Variants in SLC14A2 observed in about 807,000 individuals in gnomAD.
The protein encoded by SLC14A2 is urea transporter 2.
In SLC14A2, 91 loss-of-function variants were observed where a neutral mutation model predicts 104.6. The observed-to-expected ratio is 0.87, with a 90% CI of 0.73 to 1.04. SLC14A2 has a LOEUF of 1.04. SLC14A2 is among the 50% of genes least tolerant of loss of function. The probability of loss-of-function intolerance (pLI) is 0.00; values close to 1 mark genes in which losing one functional copy is unlikely to be tolerated. For synonymous variants in SLC14A2, 476 were observed against 466.4 expected, an observed-to-expected ratio of 1.02 and a Z score of -0.27; for missense variants, 1,189 against 1,156.0, an observed-to-expected ratio of 1.03 and a Z score of -0.41.
At chr18:45,478,490 G>A (rs976847963) in intron 1 of SLC14A2, among the ~76,000 whole-genome samples, 2 of 152,182 alleles carry the variant, frequency 1.3e-5, no homozygotes, top group African/African-American at 2.4e-5. Flanking sequence ...TAGCTTGATG[G>A]TAACACAATT....
intron 1 of SLC14A2, among the ~76,000 whole-genome samples, chr18:45,465,732 G>A (rs2087129045): frequency 6.6e-6 from 1 of 152,170 alleles, no homozygotes; most frequent in Non-Finnish European, 1.5e-5. Flanking sequence ...TAGAGGTAGA[G>A]CAGCTGTGGC....
chr18:45,465,801 T>C (rs568850151), intron 1 of SLC14A2, among the ~76,000 whole-genome samples: 1 of 151,798 alleles, frequency 6.6e-6, no homozygotes, highest in African/African-American at 2.4e-5. Context: ...GAGACAGCCA[T>C]AGGGGAGGAC....
intron 18 of SLC14A2, among the ~76,000 whole-genome samples, chr18:45,674,412 G>A (rs1303330380): frequency 6.6e-6 from 1 of 151,802 alleles, no homozygotes; most frequent in African/African-American, 2.4e-5. Context: ...TTCTTGCTCG[G>A]GAAGATGTTC....
At chr18:45,511,337 G>T (rs1287022966) in intron 2 of SLC14A2, among the ~76,000 whole-genome samples, 2 of 152,230 alleles carry the variant, frequency 1.3e-5, no homozygotes, top group East Asian at 3.9e-4. Flanking sequence ...TGAAATTCTA[G>T]AATTTATATA....
intron 1 of SLC14A2, among the ~76,000 whole-genome samples, chr18:45,338,682 CAAAAA>C (rs59474827): frequency 0.027 from 1,368 of 51,478 alleles, 6 homozygotes; most frequent in African/African-American, 0.038. Context: ...CACTGGCTCA[CAAAAA>C]AAAAAAAAAA....
chr18:45,349,170 C>T (rs2085478349), intron 1 of SLC14A2, among the ~76,000 whole-genome samples: 1 of 152,172 alleles, frequency 6.6e-6, no homozygotes, highest in African/African-American at 2.4e-5. Flanking sequence ...CATTTGGATA[C>T]AGCAGATCAT....
intron 1 of SLC14A2, among the ~76,000 whole-genome samples, chr18:45,452,669 A>T (rs1020752598): frequency 1.3e-5 from 2 of 152,200 alleles, no homozygotes; most frequent in African/African-American, 4.8e-5. Context: ...ACTCACAAAA[A>T]TGCTTCTTTG....
At chr18:45,573,916 CAT>C (rs1446960634) in intron 2 of SLC14A2, among the ~76,000 whole-genome samples, 3 of 152,146 alleles carry the variant, frequency 2.0e-5, no homozygotes, top group South Asian at 4.1e-4. Flanking sequence ...GTAGAAATGA[CAT>C]ATGATATAGA....
At chr18:45,327,011 T>C (rs1445375575) in intron 1 of SLC14A2, among the ~76,000 whole-genome samples, 2 of 151,878 alleles carry the variant, frequency 1.3e-5, no homozygotes, top group African/African-American at 4.8e-5. Flanking sequence ...TCAGTCATTC[T>C]ATCTATCTGT....
Position 45,601,517 on chromosome 18 carries a change from A to G in SLC14A2, c.-34-23114A>G, listed in dbSNP as rs560526919. Reference sequence around the variant, plus strand: ...ACAAGGTTGGATCCATTCACCACTCAGAGCTATAATATTTTCTGGGTCTGT... The same window carrying G: ...ACAAGGTTGGATCCATTCACCACTCGGAGCTATAATATTTTCTGGGTCTGT... On this transcript the variant is annotated intron_variant, in intron 2 of 20. Coordinates refer to the SLC14A2 transcript ENST00000586448. Among the ~76,000 whole-genome samples, 4 of 152,350 alleles carry G rather than the reference A, an allele frequency of 2.6e-5. No homozygotes were observed. In the East Asian group the frequency reaches 7.7e-4, roughly 29 times the overall value.
At chr18:45,266,269 A>G (rs759285349) in intron 1 of SLC14A2, among the ~76,000 whole-genome samples, 6 of 152,120 alleles carry the variant, frequency 3.9e-5, no homozygotes, top group Non-Finnish European at 5.9e-5. Flanking sequence ...GGAAGTGGGT[A>G]TATTCCACCT....
intron 4 of SLC14A2, among the ~76,000 whole-genome samples, chr18:45,631,365 C>T (rs1473937673): frequency 6.6e-6 from 1 of 152,214 alleles, no homozygotes; most frequent in Admixed American, 6.5e-5. Context: ...CCTCCCTCAC[C>T]CACAGCCTAT....
At chr18:45,498,170 A>G (rs1377779059) in intron 2 of SLC14A2, among the ~76,000 whole-genome samples, 1 of 152,272 alleles carries the variant, frequency 6.6e-6, no homozygotes, top group African/African-American at 2.4e-5. Flanking sequence ...ACTATAATGC[A>G]ATATATCTGT....
At chr18:45,308,982 G>A (rs2085051354) in intron 1 of SLC14A2, among the ~76,000 whole-genome samples, 1 of 152,134 alleles carries the variant, frequency 6.6e-6, no homozygotes, top group Admixed American at 6.5e-5. Context: ...GAGGGACCCA[G>A]GCGTCCGTAC....
At chr18:45,233,932 G>A (rs745782432) in intron 1 of SLC14A2, among the ~76,000 whole-genome samples, 1 of 151,614 alleles carries the variant, frequency 6.6e-6, no homozygotes, top group Non-Finnish European at 1.5e-5. Context: ...CTACCTATCA[G>A]AAAAGTGAGA....
chr18:45,561,021 A>G (rs1235671833), intron 2 of SLC14A2, among the ~76,000 whole-genome samples: 1 of 152,220 alleles, frequency 6.6e-6, no homozygotes, highest in African/African-American at 2.4e-5. Context: ...TCACCAAGAT[A>G]TAAGCAACAG....
intron 2 of SLC14A2, among the ~76,000 whole-genome samples, chr18:45,497,659 G>T (rs2043123657): frequency 6.6e-6 from 1 of 152,200 alleles, no homozygotes; most frequent in Non-Finnish European, 1.5e-5. Context: ...GCACATTAGA[G>T]ACAAAGAACA....
intron 1 of SLC14A2, among the ~76,000 whole-genome samples, chr18:45,441,714 G>A (rs1271280160): frequency 1.3e-5 from 2 of 152,194 alleles, no homozygotes; most frequent in Non-Finnish European, 2.9e-5. Context: ...GAATGAGGAA[G>A]CATTTTAGGT....
At chr18:45,186,299 C>A in the SLC14A2 span, among the ~76,000 whole-genome samples, 2 of 152,158 alleles carry the variant, frequency 1.3e-5, no homozygotes, top group African/African-American at 4.8e-5. Context: ...GACAGAGGGC[C>A]ACTTTTATAT....
Sources: gnomAD v4.1 joint callset for allele counts (sites outside exome capture counted in the v4.1 genomes callset) on GRCh38, gnomAD v4.1.1 for gene constraint, MANE v1.5 for transcripts, NCBI Gene and HGNC (gene_info 2026-07-23, HGNC 2026-07-21) for gene names.